Variants in ADGRV1 observed in about 807,000 individuals in gnomAD.
The protein encoded by ADGRV1 is adhesion G protein-coupled receptor V1.
In ADGRV1, 359 loss-of-function variants were observed where a neutral mutation model predicts 596.2. That is an observed-to-expected ratio of 0.60 (90% CI 0.55 to 0.66). The LOEUF (loss-of-function observed/expected upper bound fraction) is 0.66. ADGRV1 is among the 30% of genes least tolerant of loss of function. ADGRV1 has a pLI of 0.00. For synonymous variants in ADGRV1, 2,681 were observed against 2,679.2 expected (o/e 1.00, Z -0.02); for missense variants, 7,274 against 7,575.6 (o/e 0.96, Z 1.48).
intron 83 of ADGRV1, among the ~76,000 whole-genome samples, chr5:90,941,757 CG>C (rs1169557800): frequency 6.6e-6 from 1 of 152,096 alleles, no homozygotes; most frequent in African/African-American, 2.4e-5. Context: ...CTAAGTTAGG[CG>C]TGTATGTTGA....
chr5:90,706,389 C>A lies in ADGRV1; in HGVS notation c.8725C>A (p.Leu2909Ile). ...ETAAAINITILEDDVPELEEY... is the reference protein window; with the variant it reads ...ETAAAINITIIEDDVPELEEY... ...AGCAGCAGCCATCAACATTACCATTCTTGAGGTAAAACTCTTTTTTTTTTT... is the reference window on the plus strand; with the variant it reads ...AGCAGCAGCCATCAACATTACCATTATTGAGGTAAAACTCTTTTTTTTTTT... The change falls in exon 38 of 90, where the codon CTT becomes ATT. Residue 2909 changes from leucine (L) to isoleucine (I), a missense_variant. Physicochemically the swap from Leu to Ile is conservative, Grantham distance 5. Around this residue, in one of 5 missense-constraint regions of ADGRV1, gnomAD observed 3,643 missense variants for 3,809.2 expected, o/e 0.96. Transcript: ENST00000405460. 1 of 1,556,872 alleles carries A rather than the reference C, an allele frequency of 6.4e-7. No homozygotes were observed. The highest frequency in any genetic ancestry group is 1.2e-5 in the South Asian group (1 of 81,362).
chr5:91,044,917 T>C (rs185130516), intron 85 of ADGRV1, among the ~76,000 whole-genome samples: 175 of 152,244 alleles, frequency 1.1e-3, no homozygotes, highest in African/African-American at 4.0e-3. Flanking sequence ...CAGTAAATCA[T>C]TAGTTTCTAA....
At chr5:90,996,222 G>A (rs1781401567) in intron 85 of ADGRV1, among the ~76,000 whole-genome samples, 1 of 152,174 alleles carries the variant, frequency 6.6e-6, no homozygotes, top group Admixed American at 6.5e-5. Flanking sequence ...CCCATTACAA[G>A]CCCAGAGGCC....
intron 21 of ADGRV1, among the ~76,000 whole-genome samples, chr5:90,665,864 G>T (rs1040518941): frequency 2.0e-5 from 3 of 150,258 alleles, no homozygotes; most frequent in Non-Finnish European, 3.0e-5. Context: ...CCTTCATTTC[G>T]TTATGTATCC....
chr5:90,960,201 G>T (rs1318734944), intron 83 of ADGRV1, among the ~76,000 whole-genome samples: 1 of 151,618 alleles, frequency 6.6e-6, no homozygotes, highest in Non-Finnish European at 1.5e-5. Flanking sequence ...TGGTGGTGGT[G>T]CAGAGAGGTA....
intron 85 of ADGRV1, among the ~76,000 whole-genome samples, chr5:90,993,669 C>A: frequency 6.6e-6 from 1 of 151,806 alleles, no homozygotes; most frequent in Non-Finnish European, 1.5e-5. Context: ...ATTTAACTTG[C>A]TGGTTTCAAG....
In ADGRV1 at chr5:91,052,252, G is replaced by A. The variant is rs76788192; in HGVS notation, c.18153-20195G>A. Among the ~76,000 whole-genome samples the A allele has an allele frequency of 4.8e-3, 728 of 150,914 alleles. 5 individuals are homozygous for A. The highest frequency in any genetic ancestry group is 0.017 in the African/African-American group (703 of 41,082). ...GAAATAAGACATCAAATCTTAGGTT[G>A]TGTGATAGCCTGATACCTTCCATGT... On this transcript the variant is annotated intron_variant, in intron 85 of 89. Coordinates refer to ENST00000405460, the MANE Select transcript of ADGRV1 (RefSeq NM_032119.4).
At chr5:90,611,050 T>C (rs1762674255) in intron 1 of ADGRV1, among the ~76,000 whole-genome samples, 1 of 151,842 alleles carries the variant, frequency 6.6e-6, no homozygotes, top group Non-Finnish European at 1.5e-5. Flanking sequence ...TGGCCAACCC[T>C]ATGACTCTGT....
rs1246204766 is a variant in ADGRV1 at position 90,729,431 on chromosome 5, A to G, written c.10427-211A>G. On this transcript the variant is annotated intron_variant, in intron 49 of 89. Transcript: ENST00000405460. ...GTCCTTGTTCTTTCTTTAACATTAT[A>G]TCATGGTTAATGACTAATAATGTAT... Among the ~76,000 whole-genome samples, 3 of 152,224 alleles carry G rather than the reference A, an allele frequency of 2.0e-5. No homozygotes were observed. In the East Asian group the frequency reaches 5.8e-4, roughly 29 times the overall value.
intron 76 of ADGRV1, 68 bp downstream of exon 76, chr5:90,823,664 A>G: frequency 7.3e-7 from 1 of 1,374,856 alleles, no homozygotes; most frequent in East Asian, 2.4e-5. Flanking sequence ...TCATTTTAAA[A>G]CCACTATTGA....
intron 87 of ADGRV1, among the ~76,000 whole-genome samples, chr5:91,146,172 T>G (rs1052841312): frequency 2.6e-5 from 4 of 152,260 alleles, no homozygotes; most frequent in Non-Finnish European, 5.9e-5. Context: ...TTAATAATTT[T>G]AGTAACTATT....
At chr5:90,561,062 G>T (rs564531068) in intron 1 of ADGRV1, among the ~76,000 whole-genome samples, 2 of 152,264 alleles carry the variant, frequency 1.3e-5, no homozygotes, top group East Asian at 1.9e-4. Context: ...AATATACGTT[G>T]TATGCCAGGA....
At chr5:90,739,911 C>T (rs954473635) in intron 50 of ADGRV1, among the ~76,000 whole-genome samples, 1 of 152,192 alleles carries the variant, frequency 6.6e-6, no homozygotes, top group Non-Finnish European at 1.5e-5. Context: ...TGTAGTTGAG[C>T]AGAGTCAGAT....
chr5:91,073,760 T>A (rs999085343), intron 86 of ADGRV1, among the ~76,000 whole-genome samples: 11 of 152,214 alleles, frequency 7.2e-5, no homozygotes, highest in African/African-American at 2.7e-4. Context: ...TGCAGTGGCA[T>A]GATCTTGGCT....
Position 90,629,531 on chromosome 5 carries a change from C to T in ADGRV1, c.1831C>T (p.Leu611=). 2 of 1,605,044 alleles carry T rather than the reference C, an allele frequency of 1.2e-6. No individual in the cohort carries two copies. The highest frequency in any genetic ancestry group is 1.7e-6 in the Non-Finnish European group (2 of 1,174,116). The change falls in exon 9 of 90, where the codon CTA becomes TTA. Residue 611 remains leucine, a synonymous_variant. Coordinates refer to ENST00000405460, the MANE Select transcript of ADGRV1 (RefSeq NM_032119.4). The part of the protein sequence containing the change: ...DAFLQNGAHF[L]VQLETVELLN... ...ATTCCTTCAAAATGGAGCTCACTTTCTAGTACAGGTACTTGTATGATTAAA... is the reference window on the plus strand; with the variant it reads ...ATTCCTTCAAAATGGAGCTCACTTTTTAGTACAGGTACTTGTATGATTAAA...
At chr5:90,787,789 C>T (rs1239635456) in intron 67 of ADGRV1, among the ~76,000 whole-genome samples, 2 of 151,832 alleles carry the variant, frequency 1.3e-5, no homozygotes, top group Admixed American at 1.3e-4. Context: ...CGGGGTTTCA[C>T]CATGTTGGCC....
intron 85 of ADGRV1, among the ~76,000 whole-genome samples, chr5:91,065,686 A>T (rs931313510): frequency 6.6e-6 from 1 of 152,324 alleles, no homozygotes; most frequent in South Asian, 2.1e-4. Context: ...TTTAAATCAA[A>T]TTGGGTAACG....
intron 52 of ADGRV1, among the ~76,000 whole-genome samples, chr5:90,749,665 A>G (rs1030257177): frequency 1.3e-5 from 2 of 152,178 alleles, no homozygotes; most frequent in Admixed American, 6.5e-5. Flanking sequence ...TTTACACTCC[A>G]TATTCTTGCT....
intron 1 of ADGRV1, among the ~76,000 whole-genome samples, chr5:90,595,312 A>G (rs868077311): frequency 0.12 from 2,644 of 21,854 alleles, 65 homozygotes; most frequent in African/African-American, 0.26. Context: ...CTCACCTCCC[A>G]GACGGGGCGG....
Sources: allele counts gnomAD v4.1 joint callset (sites outside exome capture counted in the v4.1 genomes callset), GRCh38; gene constraint gnomAD v4.1.1; regional missense constraint gnomAD v4.1.1; transcripts MANE v1.5; gene names NCBI Gene and HGNC (gene_info 2026-07-23, HGNC 2026-07-21).